The following DNM3 variants were observed in gnomAD, a reference collection of about 807,000 sequenced individuals.
DNM3 encodes the protein dynamin 3, also known as dynamin-3.
Under a neutral mutation model 101.6 loss-of-function variants are expected in DNM3, and 47 were observed. The ratio of observed to expected loss-of-function variants is 0.46; its 90% CI spans 0.37 to 0.59. The LOEUF is 0.59. Ranked by LOEUF, DNM3 falls within the 20% of genes least tolerant of loss-of-function variation. The pLI, the probability that DNM3 is intolerant of heterozygous loss-of-function variation, is 0.00. For missense variants in DNM3, 849 were observed against 1,085.7 expected (o/e 0.78, Z 3.06); for synonymous variants, 385 against 387.9 (o/e 0.99, Z 0.09).
chr1:171,959,157 A>C (rs1571836088), intron 2 of DNM3, among the ~76,000 whole-genome samples: 1 of 152,184 alleles, frequency 6.6e-6, no homozygotes, highest in Non-Finnish European at 1.5e-5. Flanking sequence ...AGAAGGTGAG[A>C]GAATGAATAC....
intron 17 of DNM3, among the ~76,000 whole-genome samples, chr1:172,346,063 C>T (rs988907469): frequency 3.5e-5 from 5 of 141,828 alleles, no homozygotes; most frequent in Non-Finnish European, 7.5e-5. Flanking sequence ...GCGGAGCTTG[C>T]AGTGAGCCGA....
chr1:172,046,297 T>C (rs528370635), intron 9 of DNM3, among the ~76,000 whole-genome samples: 99 of 152,070 alleles, frequency 6.5e-4, no homozygotes, highest in African/African-American at 1.9e-3. Flanking sequence ...CAGTAAACTA[T>C]CTCAAGGACA....
At chr1:172,348,306 C>T (rs1359148128) in intron 17 of DNM3, among the ~76,000 whole-genome samples, 1 of 151,966 alleles carries the variant, frequency 6.6e-6, no homozygotes, top group African/African-American at 2.4e-5. Context: ...AAACAATTCT[C>T]AAATAGGATT....
At chr1:172,292,228 T>C (rs974211017) in intron 15 of DNM3, among the ~76,000 whole-genome samples, 1 of 152,200 alleles carries the variant, frequency 6.6e-6, no homozygotes, top group Admixed American at 6.5e-5. Flanking sequence ...AAGCCTCAAG[T>C]TGATATTATA....
intron 2 of DNM3, among the ~76,000 whole-genome samples, chr1:171,924,266 A>G (rs2040393306): frequency 6.6e-6 from 1 of 152,116 alleles, no homozygotes; most frequent in Non-Finnish European, 1.5e-5. Flanking sequence ...ACTGTTTTCC[A>G]TAGGGGTTAA....
At chr1:171,992,450 G>T (rs2045700856) in intron 4 of DNM3, among the ~76,000 whole-genome samples, 1 of 151,960 alleles carries the variant, frequency 6.6e-6, no homozygotes, top group South Asian at 2.1e-4. Context: ...TCAGGAGTAT[G>T]TCATTTTATG....
rs1050752246 is a variant in DNM3, at chr1:172,384,302, A to G, written c.2059-2831A>G. Among the ~76,000 whole-genome samples, 15 of 152,270 alleles carry G rather than the reference A, an allele frequency of 9.9e-5. No homozygotes were observed. In the South Asian group the frequency reaches 1.5e-3, roughly 15 times the overall value. On this transcript the variant is annotated intron_variant, in intron 18 of 20. Transcript: ENST00000627582. Reference sequence around the variant, plus strand: ...ACCTGTACTGTTGCAACAGCTGTCTATTGTTCTCCTGTCTCGATGTACCTA... The same window carrying G: ...ACCTGTACTGTTGCAACAGCTGTCTGTTGTTCTCCTGTCTCGATGTACCTA...
chr1:171,921,381 AAG>A (rs1240457026), intron 1 of DNM3, among the ~76,000 whole-genome samples: 1 of 152,150 alleles, frequency 6.6e-6, no homozygotes, highest in Non-Finnish European at 1.5e-5. Context: ...AATTATCAAA[AAG>A]AGTTTAAGAA....
rs1398786616 is a variant in DNM3, at chr1:172,038,519, AT to A, written c.992+60del. ...TTTAATCTAATTTCTTTAGTTTTCT[AT>A]TGCCTTAGTCTATTTGTCACGTTGC... On this transcript the variant is annotated intron_variant, in intron 7 of 20. Transcript: ENST00000627582. 2.7e-5 allele frequency: 43 copies of A among 1,594,700 alleles called. No individual in the cohort carries two copies. In the East Asian group the frequency reaches 9.4e-4, roughly 35 times the overall value.
At chr1:172,375,923 T>C (rs2068575789) in intron 17 of DNM3, among the ~76,000 whole-genome samples, 1 of 151,506 alleles carries the variant, frequency 6.6e-6, no homozygotes, top group African/African-American at 2.4e-5. Context: ...GTTCAGGGGT[T>C]CGAGACTGCA....
chr1:172,328,935 C>T (rs1462223762), intron 17 of DNM3, among the ~76,000 whole-genome samples: 1 of 152,126 alleles, frequency 6.6e-6, no homozygotes, highest in Non-Finnish European at 1.5e-5. Flanking sequence ...CTGCCTCAGC[C>T]TCCCAAAGTC....
chr1:172,270,998 C>T (rs951374464), intron 15 of DNM3, among the ~76,000 whole-genome samples: 3 of 152,032 alleles, frequency 2.0e-5, no homozygotes, highest in African/African-American at 7.2e-5. Flanking sequence ...AGATATTAGC[C>T]TAAACTCTTT....
chr1:172,236,153 A>G (rs969953144), intron 14 of DNM3, among the ~76,000 whole-genome samples: 3 of 152,132 alleles, frequency 2.0e-5, no homozygotes, highest in African/African-American at 4.8e-5. Flanking sequence ...AATTACTTAG[A>G]AGGATCTCTG....
At chr1:171,937,580 A>AT (rs2041524531) in intron 2 of DNM3, among the ~76,000 whole-genome samples, 1 of 151,918 alleles carries the variant, frequency 6.6e-6, no homozygotes. Context: ...TTACTTATTT[A>AT]TTTATTTGAG....
intron 17 of DNM3, among the ~76,000 whole-genome samples, chr1:172,336,022 T>A (rs2148945982): frequency 6.6e-6 from 1 of 152,212 alleles, no homozygotes; most frequent in Admixed American, 6.5e-5. Flanking sequence ...AACATCCACA[T>A]TTTAGCTTGA....
intron 17 of DNM3, among the ~76,000 whole-genome samples, chr1:172,373,815 C>T (rs1484195376): frequency 6.6e-6 from 1 of 151,978 alleles, no homozygotes; most frequent in African/African-American, 2.4e-5. Flanking sequence ...GATTATTACT[C>T]CAAGAATATA....
At chr1:172,375,712 G>C (rs1404981365) in intron 17 of DNM3, among the ~76,000 whole-genome samples, 1 of 151,892 alleles carries the variant, frequency 6.6e-6, no homozygotes, top group African/African-American at 2.4e-5. Context: ...TCCCTCACCT[G>C]TTAAAGTAGT....
intron 1 of DNM3, among the ~76,000 whole-genome samples, chr1:171,843,487 A>T (rs2031591335): frequency 2.0e-5 from 3 of 152,356 alleles, no homozygotes; most frequent in Admixed American, 2.0e-4. Flanking sequence ...TTTTGTCATG[A>T]CACCTTAAGA....
At chr1:172,057,008 T>A (rs903014798) in intron 10 of DNM3, among the ~76,000 whole-genome samples, 2 of 151,956 alleles carry the variant, frequency 1.3e-5, no homozygotes, top group African/African-American at 4.8e-5. Context: ...AAGGAGCTGA[T>A]GGAGCTGAAA....
Sources: allele counts gnomAD v4.1 joint callset (sites outside exome capture counted in the v4.1 genomes callset), GRCh38; gene constraint gnomAD v4.1.1; transcripts MANE v1.5; gene names NCBI Gene and HGNC (gene_info 2026-07-23, HGNC 2026-07-21).